Variants in UGT2B7 observed in about 807,000 individuals in gnomAD.
UGT2B7 encodes UDP-glucuronosyltransferase 2B7.
UGT2B7 carries 51 observed loss-of-function variants against 51.9 expected under a neutral mutation model. The ratio of observed to expected loss-of-function variants is 0.98; its 90% CI spans 0.78 to 1.24. The LOEUF (loss-of-function observed/expected upper bound fraction) is 1.24. Among genes scored for constraint, UGT2B7 ranks in the 50% most tolerant of loss-of-function variants. The probability of loss-of-function intolerance (pLI) is 0.00; values close to 1 mark genes in which losing one functional copy is unlikely to be tolerated. For missense variants in UGT2B7, 727 were observed against 628.4 expected (o/e 1.16, Z -1.68); for synonymous variants, 225 against 211.6 (o/e 1.06, Z -0.55).
intron 4 of UGT2B7, 30 bp from the exon 5 acceptor site, chr4:69,108,073 G>C: frequency 6.2e-7 from 1 of 1,607,504 alleles, no homozygotes; most frequent in Non-Finnish European, 8.5e-7. Flanking sequence ...ATTCCTATGA[G>C]TAATTTTGCT....
intron 2 of UGT2B7, 123 bp downstream of exon 2, chr4:69,098,811 G>T: frequency 6.7e-7 from 1 of 1,493,354 alleles, no homozygotes; most frequent in Non-Finnish European, 9.0e-7. Context: ...GTGGGGTAAA[G>T]CAGATACCAA....
chr4:69,090,326 G>T (rs1577918031), intron 2 of UGT2B7, among the ~76,000 whole-genome samples: 1 of 152,008 alleles, frequency 6.6e-6, no homozygotes, highest in South Asian at 2.1e-4. Flanking sequence ...TATTAAATTG[G>T]AATATCTATG....
At chr4:69,067,973 A>G (rs1718517689) in intron 1 of UGT2B7, among the ~76,000 whole-genome samples, 1 of 152,082 alleles carries the variant, frequency 6.6e-6, no homozygotes, top group Non-Finnish European at 1.5e-5. Context: ...CAGCACACTT[A>G]TGTTGTCTTT....
In UGT2B7 at chr4:69,096,791, A is replaced by G; in HGVS notation, c.271A>G (p.Met91Val). 6.2e-7 allele frequency: 1 copy of G among 1,614,030 alleles called. No individual in the cohort carries two copies. The highest frequency in any genetic ancestry group is 8.5e-7 in the Non-Finnish European group (1 of 1,179,924). Residue 91 changes from methionine to valine, a missense_variant, in exon 1 of 6, where the codon ATG becomes GTG. Physicochemically the swap from Met to Val is conservative, Grantham distance 21 (BLOSUM62 1). Coordinates refer to ENST00000305231, the MANE Select transcript of UGT2B7 (RefSeq NM_001074.4). ...LTKTELENFIMQQIKRWSDLP... is the reference protein window; with the variant it reads ...LTKTELENFIVQQIKRWSDLP... ...TAAAACTGAGTTGGAGAATTTCATC[A>G]TGCAACAGATTAAGAGATGGTCAGA...
At chr4:69,090,837 C>T (rs1049876659) in intron 2 of UGT2B7, among the ~76,000 whole-genome samples, 2 of 152,168 alleles carry the variant, frequency 1.3e-5, no homozygotes, top group Non-Finnish European at 2.9e-5. Flanking sequence ...AAAGGAAAAT[C>T]TTGATTTCAT....
intron 1 of UGT2B7, among the ~76,000 whole-genome samples, chr4:69,086,857 C>T (rs1235164708): frequency 6.6e-6 from 1 of 151,840 alleles, no homozygotes; most frequent in African/African-American, 2.4e-5. Context: ...TGTACACCTT[C>T]ATAGGTGAAG....
chr4:69,079,111 G>A (rs538616015), intron 1 of UGT2B7, among the ~76,000 whole-genome samples: 179 of 152,204 alleles, frequency 1.2e-3, no homozygotes, highest in Middle Eastern at 3.4e-3. Context: ...CAAAAAGGAG[G>A]CCACTTGGCT....
At chr4:69,053,633 G>C (rs959761192) in intron 1 of UGT2B7, among the ~76,000 whole-genome samples, 2 of 152,176 alleles carry the variant, frequency 1.3e-5, no homozygotes, top group African/African-American at 4.8e-5. Context: ...CTGTGGGTCA[G>C]CCTCCGAGGG....
chr4:69,054,283 C>T lies in UGT2B7; in HGVS notation c.-159+2681C>T, dbSNP rs137979177. 6.1e-3 allele frequency among the ~76,000 whole-genome samples: 936 copies of T among 152,214 alleles called. 10 individuals are homozygous for T. The highest frequency in any genetic ancestry group is 0.022 in the African/African-American group (904 of 41,526). The stretch of plus-strand genomic sequence containing the variant: ...TGGGGCACTGGCCAAGGCCAGTGGC[C>T]TATCTCTCAAAACAAAAAGACAGGG... On this transcript the variant is annotated intron_variant, in intron 1 of 5. Transcript: ENST00000502942.
chr4:69,064,112 A>AAGAGAGAGAGAAAG, intron 1 of UGT2B7, among the ~76,000 whole-genome samples: 1 of 86,848 alleles, frequency 1.2e-5, no homozygotes, highest in Admixed American at 1.1e-4. Context: ...GAAAGAAAGA[A>AAGAGAGAGAGAAAG]AAAGAAAGAA....
chr4:69,065,881 AT>A (rs1462665231), intron 1 of UGT2B7, among the ~76,000 whole-genome samples: 3 of 152,176 alleles, frequency 2.0e-5, no homozygotes, highest in African/African-American at 4.8e-5. Context: ...TACTAGAATT[AT>A]GTCTGCCTAA....
intron 1 of UGT2B7, among the ~76,000 whole-genome samples, chr4:69,061,334 C>A (rs1175120457): frequency 1.3e-5 from 2 of 152,120 alleles, no homozygotes; most frequent in African/African-American, 4.8e-5. Flanking sequence ...GTGGTATGGG[C>A]CCCCAAACAG....
intron 4 of UGT2B7, 97 bp from the exon 5 acceptor site, chr4:69,108,006 G>A (rs1193142124): frequency 9.0e-6 from 13 of 1,448,238 alleles, no homozygotes; most frequent in Non-Finnish European, 1.1e-5. Flanking sequence ...ATTTAGTTCA[G>A]TGTTTTAGCT....
intron 4 of UGT2B7, 116 bp downstream of exon 4, chr4:69,107,378 C>A: frequency 8.3e-7 from 1 of 1,207,694 alleles, no homozygotes; most frequent in African/African-American, 1.6e-5. Context: ...AATGTAACTT[C>A]TTTATATTGA....
chr4:69,083,054 A>G (rs1718872923), intron 1 of UGT2B7, among the ~76,000 whole-genome samples: 1 of 152,112 alleles, frequency 6.6e-6, no homozygotes, highest in Non-Finnish European at 1.5e-5. Flanking sequence ...AAATAGAAAA[A>G]CAATGCCTAG....
chr4:69,095,105 C>G (rs1301099469), upstream of UGT2B7, among the ~76,000 whole-genome samples: 2 of 152,142 alleles, frequency 1.3e-5, no homozygotes, highest in Non-Finnish European at 1.5e-5. Flanking sequence ...ATAGGACCAA[C>G]AGTTTCATAT....
At chr4:69,103,027 T>C (rs746043792) in intron 3 of UGT2B7, 89 bp downstream of exon 3, 112 of 1,538,658 alleles carry the variant, frequency 7.3e-5, no homozygotes, top group Non-Finnish European at 8.8e-5. Context: ...TTCTGATAAA[T>C]GTGAAGTTGA....
At chr4:69,071,482 C>G (rs1184123342) in intron 1 of UGT2B7, among the ~76,000 whole-genome samples, 2 of 152,046 alleles carry the variant, frequency 1.3e-5, no homozygotes, top group Non-Finnish European at 2.9e-5. Context: ...TTCATTACAG[C>G]CTTTGGACTC....
At chr4:69,108,031 C>G in intron 4 of UGT2B7, 72 bp from the exon 5 acceptor site, 1 of 1,551,290 alleles carries the variant, frequency 6.4e-7, no homozygotes, top group South Asian at 1.1e-5. Flanking sequence ...AACACTGTCA[C>G]TTTCAGAGCC....
Sources: allele counts gnomAD v4.1 joint callset (sites outside exome capture counted in the v4.1 genomes callset), GRCh38; gene constraint gnomAD v4.1.1; transcripts MANE v1.5; gene names NCBI Gene and HGNC (gene_info 2026-07-23, HGNC 2026-07-21).